ZNF317: variants seen among roughly 807,000 people sequenced by gnomAD.
The protein encoded by ZNF317 is zinc finger protein 317, also known as KRAB-containing zinc finger protein 317.
Under a neutral mutation model 23.4 loss-of-function variants are expected in ZNF317, and 17 were observed. That is an observed-to-expected ratio of 0.73 (90% CI 0.50 to 1.09). The LOEUF (loss-of-function observed/expected upper bound fraction) is 1.09, where lower values mean the gene tolerates loss of function less well. Ranked by LOEUF, ZNF317 falls within the 50% of genes least tolerant of loss-of-function variation. ZNF317 has a pLI of 0.00. For missense variants in ZNF317, 679 were observed against 796.7 expected, an observed-to-expected ratio of 0.85 and a Z score of 1.78; for synonymous variants, 317 against 314.9, an observed-to-expected ratio of 1.01 and a Z score of -0.07.
Position 9,161,055 on chromosome 19 carries a change from A to G in ZNF317, c.1410A>G (p.Gln470=), listed in dbSNP as rs1283344352. Residue 470 remains glutamine (Q), a synonymous_variant, in exon 7 of 7, where the codon CAA becomes CAG. Transcript: ENST00000247956. This position sits in a 1 kb window ranked among gnomAD's most constrained non-coding sequence, Gnocchi z 4.0. Reference sequence around the variant, plus strand: ...CCGCACACAGGAAGATACACACGCAAGAGAGACGCTACGAATGCGCCGCCT... The same window carrying G: ...CCGCACACAGGAAGATACACACGCAGGAGAGACGCTACGAATGCGCCGCCT... ...NLTAHRKIHT[Q]ERRYECAACG... is the part of the protein sequence containing the mutation. 6.2e-6 allele frequency: 10 copies of G among 1,614,054 alleles called. No individual in the cohort carries two copies. Among genetic ancestry groups the G allele is most frequent in the Non-Finnish European group, 8.5e-6 (10 of 1,180,034 alleles).
At position 9,161,488 on chromosome 19, in the gene ZNF317, T is replaced by C. The variant is rs1246599258; in HGVS notation, c.*55T>C. 2 of 1,550,606 alleles carry C rather than the reference T, an allele frequency of 1.3e-6. No homozygotes were observed. The highest frequency in any genetic ancestry group is 2.7e-5 in the African/African-American group (2 of 73,122). On this transcript the variant is annotated 3_prime_UTR_variant, in exon 7 of 7. Transcript: ENST00000247956. This position sits in a 1 kb window ranked among gnomAD's most constrained non-coding sequence, Gnocchi z 4.0. ...TCAGACCGGAAACAGACCTCGTGGG[T>C]GTAAGAGGAAGCCTCTGTGAGCTCG...
chr19:9,156,524 T>G lies in ZNF317; in HGVS notation c.26-88T>G. The G allele has an allele frequency of 1.3e-6, 2 of 1,497,862 alleles. 1 individual carries two copies. The highest frequency in any genetic ancestry group is 2.6e-5 in the South Asian group (2 of 77,718). The allele number at this position is 1,497,862 out of a possible 1,614,324, so 92.8% of individuals were successfully genotyped here. On this transcript the variant is annotated intron_variant, in intron 2 of 6. Transcript: ENST00000247956. Reference sequence around the variant, plus strand: ...GGATTGAGGATGTGAACACTCAGAATCAGTGTGGAGCAGTTTCCTGGTTTA... The same window carrying G: ...GGATTGAGGATGTGAACACTCAGAAGCAGTGTGGAGCAGTTTCCTGGTTTA...
rs753181256 is a variant in ZNF317 at position 9,160,663 on chromosome 19, G to A, written c.1018G>A (p.Gly340Arg). 336 of 1,613,972 alleles carry A rather than the reference G, an allele frequency of 2.1e-4. 1 individual carries two copies. The highest frequency in any genetic ancestry group is 3.4e-6 in the Non-Finnish European group (4 of 1,180,036). ...GERPYECHDC[G>R]KAFQHPSHLK... ...GAGGCCCTACGAGTGTCACGACTGT[G>A]GGAAAGCTTTCCAGCACCCCTCCCA... Residue 340 changes from glycine (G) to arginine (R), a missense_variant, in exon 7 of 7, where the codon GGG (glycine) becomes AGG (arginine). Gly to Arg is a moderately radical substitution (Grantham distance 125). Coordinates refer to ENST00000247956, the MANE Select transcript of ZNF317 (RefSeq NM_020933.5). This position sits in a 1 kb window ranked among gnomAD's most constrained non-coding sequence, Gnocchi z 6.8.
intron 1 of ZNF317, among the ~76,000 whole-genome samples, chr19:9,146,550 C>A (rs2050685032): frequency 6.6e-6 from 1 of 151,714 alleles, no homozygotes; most frequent in African/African-American, 2.4e-5. Context: ...ACCTCAGCCT[C>A]CCAAGTAACT....
chr19:9,156,877 C>A, intron 3 of ZNF317, 129 bp downstream of exon 3: 1 of 1,163,938 alleles, frequency 8.6e-7, no homozygotes, highest in Non-Finnish European at 1.2e-6. Context: ...AAGAGAGAGC[C>A]AAGGAATATT....
chr19:9,154,346 A>G lies in ZNF317; in HGVS notation c.-92-1579A>G, dbSNP rs10425503. On this transcript the variant is annotated intron_variant, in intron 1 of 6. Transcript: ENST00000247956. ...TACATCTGAAAATAGGTAAGTTTCTATCATCCTAGAAAGTTCCCTTTGCTT... is the reference window on the plus strand; with the variant it reads ...TACATCTGAAAATAGGTAAGTTTCTGTCATCCTAGAAAGTTCCCTTTGCTT... 3.9e-3 allele frequency among the ~76,000 whole-genome samples: 601 copies of G among 152,314 alleles called. 5 individuals carry two copies. Among genetic ancestry groups the G allele is most frequent in the African/African-American group, 0.014 (585 of 41,562 alleles).
chr19:9,161,033 C>T lies in ZNF317; in HGVS notation c.1388C>T (p.Ala463Val). The T allele has an allele frequency of 6.2e-7, 1 of 1,614,044 alleles. No individual in the cohort carries two copies. Among genetic ancestry groups the T allele is most frequent in the Non-Finnish European group, 8.5e-7 (1 of 1,180,006 alleles). ...KAFSASSNLT[A>V]HRKIHTQERR... ...TTCAGCGCGAGTTCAAACCTCACCG[C>T]ACACAGGAAGATACACACGCAAGAG... The change falls in exon 7 of 7, where the codon GCA becomes GTA. Residue 463 changes from alanine to valine, a missense_variant. Physicochemically the swap from Ala to Val is moderately conservative, Grantham distance 64 (BLOSUM62 0). Transcript: ENST00000247956. This position sits in a 1 kb window ranked among gnomAD's most constrained non-coding sequence, Gnocchi z 4.0.
At chr19:9,149,773 A>G (rs543309139) in intron 1 of ZNF317, among the ~76,000 whole-genome samples, 11 of 152,002 alleles carry the variant, frequency 7.2e-5, no homozygotes, top group Non-Finnish European at 1.5e-4. Context: ...TGAACAGAGG[A>G]GCGGTGTGAT....
In ZNF317 at chr19:9,162,696, C is replaced by T. The variant is rs186873375; in HGVS notation, c.*1263C>T. Reference sequence around the variant, plus strand: ...TTAAGGTTATACTCCTCTAAATAACCCTTAAGCCTCATCAAGAAAGGTTTG... The same window carrying T: ...TTAAGGTTATACTCCTCTAAATAACTCTTAAGCCTCATCAAGAAAGGTTTG... On this transcript the variant is annotated 3_prime_UTR_variant, in exon 7 of 7. Transcript: ENST00000247956. 7 of 152,164 alleles carry T rather than the reference C, an allele frequency of 4.6e-5. No individual in the cohort carries two copies. Among genetic ancestry groups the T allele is most frequent in the African/African-American group, 1.7e-4 (7 of 41,508 alleles). 9.4% of individuals were successfully genotyped at this position (152,164 alleles called of 1,614,324 possible). A position where few individuals can be genotyped will look rare whatever the true frequency, so the allele number is the denominator to read the frequency against.
At chr19:9,153,161 TTTG>T (rs1438493133) in intron 1 of ZNF317, among the ~76,000 whole-genome samples, 2 of 141,266 alleles carry the variant, frequency 1.4e-5, no homozygotes, top group African/African-American at 6.4e-5. Flanking sequence ...TGTTTGTTTG[TTTG>T]TTTGTTTGTT....
intron 1 of ZNF317, among the ~76,000 whole-genome samples, chr19:9,141,616 A>G (rs982266330): frequency 6.6e-6 from 1 of 152,198 alleles, no homozygotes; most frequent in Non-Finnish European, 1.5e-5. Context: ...TTTTTCAGGA[A>G]TGTCATGGCT....
In ZNF317 at chr19:9,161,085, G is replaced by T. The variant is rs1302858187; in HGVS notation, c.1440G>T (p.Gly480=). The change falls in exon 7 of 7, where the codon GGG becomes GGT. Residue 480 remains glycine, a synonymous_variant. Coordinates refer to ENST00000247956, the MANE Select transcript of ZNF317 (RefSeq NM_020933.5). The surrounding 1 kb of genome is among the most constrained non-coding windows in gnomAD (Gnocchi z 4.0). ...QERRYECAAC[G]KVFGDYLSRR... ...GACGCTACGAATGCGCCGCCTGCGG[G>T]AAAGTCTTCGGTGACTATTTATCCC... The T allele has an allele frequency of 3.1e-6, 5 of 1,614,226 alleles. No homozygotes were observed. In the East Asian group the frequency reaches 6.7e-5, roughly 22 times the overall value.
At chr19:9,156,907 G>A in intron 3 of ZNF317, 159 bp downstream of exon 3, 1 of 855,292 alleles carries the variant, frequency 1.2e-6, no homozygotes, top group Non-Finnish European at 1.8e-6. Context: ...CTGGTGTTGG[G>A]GAAGTTAGGG....
chr19:9,157,681 C>CT (rs566513253), intron 4 of ZNF317: 10,486 of 344,284 alleles, frequency 0.03, 243 homozygotes, highest in South Asian at 0.052. Context: ...TTTCCTATTT[C>CT]TTTTTTTTTT....
In ZNF317 at chr19:9,161,187, G is replaced by C; in HGVS notation, c.1542G>C (p.Gln514His). Residue 514 changes from glutamine to histidine, a missense_variant, in exon 7 of 7, where the codon CAG becomes CAC. Gln to His is a conservative substitution (Grantham distance 24). Coordinates refer to ENST00000247956, the MANE Select transcript of ZNF317 (RefSeq NM_020933.5). The surrounding 1 kb of genome is among the most constrained non-coding windows in gnomAD (Gnocchi z 4.0). The stretch of plus-strand genomic sequence containing the variant: ...AGTGTGGCAAGGCCTTCAGGAACCA[G>C]TCAACGCTGAAGACGCACATGCGAA... ...CRQCGKAFRN[Q>H]STLKTHMRSH... 1 of 1,613,960 alleles carries C rather than the reference G, an allele frequency of 6.2e-7. No homozygotes were observed. Among genetic ancestry groups the C allele is most frequent in the Non-Finnish European group, 8.5e-7 (1 of 1,179,968 alleles).
intron 3 of ZNF317, 107 bp downstream of exon 3, chr19:9,156,855 A>G: frequency 1.4e-6 from 2 of 1,381,394 alleles, no homozygotes; most frequent in Non-Finnish European, 2.0e-6. Context: ...AGTGGATGCC[A>G]GAACAGGGCC....
rs186276137 is a variant in ZNF317 at position 9,157,175 on chromosome 19, G to A, written c.163-93G>A. ...CAGGCCATCTGGAAATCCTGTGTTG[G>A]GTCTCTCATGCCCGGTCTTCAACCT... On this transcript the variant is annotated intron_variant, in intron 3 of 6. Transcript: ENST00000247956. The A allele has an allele frequency of 1.9e-3, 2,852 of 1,497,940 alleles. 11 individuals are homozygous for A. Among genetic ancestry groups the A allele is most frequent in the Middle Eastern group, 0.017 (68 of 4,044 alleles). 92.8% of individuals were successfully genotyped at this position (1,497,940 alleles called of 1,614,324 possible).
Position 9,160,935 on chromosome 19 carries a change from G to C in ZNF317, c.1290G>C (p.Gln430His). The C allele has an allele frequency of 6.2e-7, 1 of 1,614,148 alleles. No homozygotes were observed. Among genetic ancestry groups the C allele is most frequent in the Non-Finnish European group, 8.5e-7 (1 of 1,180,028 alleles). The change falls in exon 7 of 7, where the codon CAG (glutamine) becomes CAC (histidine). Residue 430 changes from glutamine (Q) to histidine (H), a missense_variant. By Grantham distance (24) the Gln-to-His change is conservative. Coordinates refer to ENST00000247956, the MANE Select transcript of ZNF317 (RefSeq NM_020933.5). This position sits in a 1 kb window ranked among gnomAD's most constrained non-coding sequence, Gnocchi z 6.8. ...AGTGCGGGAAGACCTTCCGAAACCA[G>C]TCCATCCTTAAGACTCACATGAACT... ...CRQCGKTFRN[Q>H]SILKTHMNSH...
At chr19:9,156,875 G>T in intron 3 of ZNF317, 127 bp downstream of exon 3, 3 of 1,188,460 alleles carry the variant, frequency 2.5e-6, no homozygotes, top group Non-Finnish European at 3.5e-6. Flanking sequence ...CCAAGAGAGA[G>T]CCAAGGAATA....
Sources: allele counts gnomAD v4.1 joint callset (sites outside exome capture counted in the v4.1 genomes callset), GRCh38; gene constraint gnomAD v4.1.1; non-coding constraint Gnocchi (gnomAD v3.1); transcripts MANE v1.5; gene names NCBI Gene and HGNC (gene_info 2026-07-23, HGNC 2026-07-21).